Variants in CDH18 observed in about 807,000 individuals in gnomAD.
CDH18 encodes the protein cadherin 18.
A neutral mutation model predicts 67.9 loss-of-function variants in CDH18; 31 were observed. The ratio of observed to expected loss-of-function variants is 0.46; its 90% CI spans 0.34 to 0.62. The LOEUF is 0.62. Ranked by LOEUF, CDH18 falls within the 20% of genes least tolerant of loss-of-function variation. The probability of loss-of-function intolerance (pLI) is 0.01; values close to 1 mark genes in which losing one functional copy is unlikely to be tolerated. For missense variants in CDH18, 890 were observed against 975.5 expected (o/e 0.91, Z 1.17); for synonymous variants, 362 against 347.2 (o/e 1.04, Z -0.48).
At chr5:20,186,066 TA>T (rs1436542121) in intron 2 of CDH18, among the ~76,000 whole-genome samples, 4 of 152,104 alleles carry the variant, frequency 2.6e-5, no homozygotes, top group African/African-American at 9.6e-5. Context: ...CTTGCACTGA[TA>T]AATGGTGTTC....
At chr5:20,027,872 C>G (rs1474317871) in intron 2 of CDH18, among the ~76,000 whole-genome samples, 1 of 152,188 alleles carries the variant, frequency 6.6e-6, no homozygotes, top group East Asian at 1.9e-4. Flanking sequence ...AACTCTTTTT[C>G]TCCCTCTGGG....
chr5:20,330,027 A>G (rs1002651694), intron 1 of CDH18, among the ~76,000 whole-genome samples: 34 of 152,208 alleles, frequency 2.2e-4, no homozygotes, highest in African/African-American at 8.2e-4. Context: ...AAAAATAGTT[A>G]TGTGTTACCA....
intron 2 of CDH18, among the ~76,000 whole-genome samples, chr5:20,044,504 G>T (rs1408819821): frequency 6.6e-6 from 1 of 151,968 alleles, no homozygotes; most frequent in South Asian, 2.1e-4. Flanking sequence ...TGTGAAAATT[G>T]AGAATCAATT....
At chr5:20,037,829 CAA>C (rs750165070) in intron 2 of CDH18, among the ~76,000 whole-genome samples, 1 of 151,906 alleles carries the variant, frequency 6.6e-6, no homozygotes, top group Non-Finnish European at 1.5e-5. Flanking sequence ...CAAAAGCTAG[CAA>C]AAGACAAGAA....
chr5:19,793,996 T>C (rs1459849959), intron 3 of CDH18, among the ~76,000 whole-genome samples: 1 of 152,128 alleles, frequency 6.6e-6, no homozygotes. Context: ...TAAGTTGAAA[T>C]ACCCTCTTGA....
intron 1 of CDH18, among the ~76,000 whole-genome samples, chr5:20,488,348 C>A (rs538801955): frequency 6.6e-6 from 1 of 152,090 alleles, no homozygotes; most frequent in East Asian, 1.9e-4. Flanking sequence ...TTCACGTACC[C>A]TTTTAAGACA....
At chr5:20,133,920 T>C (rs1006956786) in intron 2 of CDH18, among the ~76,000 whole-genome samples, 4 of 152,178 alleles carry the variant, frequency 2.6e-5, no homozygotes, top group African/African-American at 9.6e-5. Flanking sequence ...TACTTCTCCA[T>C]CTGCTCATCA....
chr5:19,862,593 C>T (rs1785024563), intron 2 of CDH18, among the ~76,000 whole-genome samples: 1 of 152,150 alleles, frequency 6.6e-6, no homozygotes, highest in Non-Finnish European at 1.5e-5. Context: ...TATTTAACTT[C>T]TTCTTGGGTA....
chr5:20,299,069 T>G (rs1344113828), intron 1 of CDH18, among the ~76,000 whole-genome samples: 1 of 152,036 alleles, frequency 6.6e-6, no homozygotes, highest in Non-Finnish European at 1.5e-5. Flanking sequence ...AGATTTTAAG[T>G]TTTTCTCTGA....
chr5:20,504,239 A>G (rs1265045935), intron 1 of CDH18, among the ~76,000 whole-genome samples: 2 of 152,104 alleles, frequency 1.3e-5, no homozygotes, highest in Non-Finnish European at 2.9e-5. Flanking sequence ...AGAAGCAAAA[A>G]CTTTACTTAG....
intron 1 of CDH18, among the ~76,000 whole-genome samples, chr5:20,334,750 T>TCACACACACACACA (rs1395879379): frequency 4.0e-5 from 4 of 99,278 alleles, no homozygotes; most frequent in African/African-American, 1.5e-4. Flanking sequence ...TCTCTCTCTC[T>TCACACACACACACA]CATACACACA....
At chr5:20,560,732 A>G (rs530890661) in intron 1 of CDH18, among the ~76,000 whole-genome samples, 1 of 152,224 alleles carries the variant, frequency 6.6e-6, no homozygotes, top group African/African-American at 2.4e-5. Context: ...ATTATGCTTT[A>G]TTGTTGTCAT....
At chr5:20,408,889 T>C (rs752175614) in intron 1 of CDH18, among the ~76,000 whole-genome samples, 9 of 151,792 alleles carry the variant, frequency 5.9e-5, no homozygotes, top group Middle Eastern at 3.4e-3. Flanking sequence ...TTTACACAAA[T>C]AGTAATTAAA....
intron 1 of CDH18, among the ~76,000 whole-genome samples, chr5:20,341,125 T>C (rs534227009): frequency 4.6e-5 from 7 of 152,204 alleles, no homozygotes; most frequent in Non-Finnish European, 1.0e-4. Context: ...CCCCTTGTGA[T>C]GGTTAATACT....
At chr5:20,379,951 G>A (rs377404238) in intron 1 of CDH18, among the ~76,000 whole-genome samples, 123 of 152,020 alleles carry the variant, frequency 8.1e-4, no homozygotes, top group African/African-American at 2.9e-3. Context: ...TAATATGGTG[G>A]TACAGTTGCA....
chr5:19,753,327 T>A (rs144096143), intron 3 of CDH18, among the ~76,000 whole-genome samples: 1 of 152,082 alleles, frequency 6.6e-6, no homozygotes, highest in African/African-American at 2.4e-5. Flanking sequence ...ATGAAATAGA[T>A]TGCATAAACA....
intron 2 of CDH18, among the ~76,000 whole-genome samples, chr5:20,243,735 C>T (rs1444870802): frequency 6.6e-6 from 1 of 151,952 alleles, no homozygotes; most frequent in Non-Finnish European, 1.5e-5. Flanking sequence ...AAAAGCATAA[C>T]TCATAAATGA....
intron 1 of CDH18, among the ~76,000 whole-genome samples, chr5:20,279,920 A>G (rs1480031379): frequency 1.3e-5 from 2 of 152,002 alleles, no homozygotes; most frequent in East Asian, 3.9e-4. Context: ...CAGAATACAC[A>G]TTGTTCTCCT....
intron 1 of CDH18, among the ~76,000 whole-genome samples, chr5:20,562,712 T>C (rs981578748): frequency 2.0e-5 from 3 of 151,864 alleles, no homozygotes; most frequent in South Asian, 2.1e-4. Context: ...TTGGTAAATT[T>C]AAAACAGCGT....
Sources: gnomAD v4.1 joint callset for allele counts (sites outside exome capture counted in the v4.1 genomes callset) on GRCh38, gnomAD v4.1.1 for gene constraint, MANE v1.5 for transcripts, NCBI Gene and HGNC (gene_info 2026-07-23, HGNC 2026-07-21) for gene names.